Variants in RASSF1 observed in about 807,000 individuals in gnomAD.
RASSF1 encodes ras association domain-containing protein 1.
In RASSF1, 33 loss-of-function variants were observed where a neutral mutation model predicts 34.3. The observed-to-expected ratio is 0.96, with a 90% CI of 0.73 to 1.29. RASSF1 has a LOEUF of 1.29. RASSF1 is among the 50% of genes most tolerant of loss of function. The pLI is 0.00. For synonymous variants in RASSF1, 191 were observed against 195.0 expected, an observed-to-expected ratio of 0.98 and a Z score of 0.17; for missense variants, 445 against 471.8, an observed-to-expected ratio of 0.94 and a Z score of 0.53.
At chr3:50,337,142 C>G in intron 2 of RASSF1, 1 of 1,579,072 alleles carries the variant, frequency 6.3e-7, no homozygotes, top group Non-Finnish European at 8.6e-7. Flanking sequence ...ACCGCTTCCC[C>G]TCCCGCCCGC....
intron 2 of RASSF1, chr3:50,337,560 T>G (rs953378946): frequency 2.5e-5 from 36 of 1,433,338 alleles, no homozygotes; most frequent in Non-Finnish European, 3.3e-5. Flanking sequence ...GGAGCTCCAC[T>G]CACAGACCCC....
intron 2 of RASSF1, among the ~76,000 whole-genome samples, chr3:50,334,452 T>C (rs1703054292): frequency 6.6e-6 from 1 of 152,050 alleles, no homozygotes; most frequent in Non-Finnish European, 1.5e-5. Flanking sequence ...AATAAAGCAG[T>C]GGATGTGTTT....
At chr3:50,334,044 C>A (rs587671145) in intron 2 of RASSF1, among the ~76,000 whole-genome samples, 1 of 152,200 alleles carries the variant, frequency 6.6e-6, no homozygotes, top group Non-Finnish European at 1.5e-5. Flanking sequence ...GTAGAATGAT[C>A]TTGTGCCTAG....
At position 50,331,565 on chromosome 3, in the gene RASSF1, C is replaced by A. The variant is rs757683708; in HGVS notation, c.754G>T (p.Gly252Cys). The A allele has an allele frequency of 1.0e-5, 16 of 1,587,924 alleles. No individual in the cohort carries two copies. Among genetic ancestry groups the A allele is most frequent in the Non-Finnish European group, 1.4e-5 (16 of 1,159,848 alleles). ...GGTGGGGTGGGAAGCCCACCTTGGC[C>A]GTGACGCTCAGCGCGCTCAAAGAGT... ...FALFERAERH[G>C]QVYLRKLLDD... is the part of the protein sequence containing the mutation. The change falls in exon 4 of 6, where the codon GGC (glycine) becomes TGC (cysteine). Residue 252 changes from glycine (G) to cysteine (C), a missense_variant. Physicochemically the swap from Gly to Cys is radical, Grantham distance 159. Transcript: ENST00000359365.
chr3:50,337,448 A>T, intron 2 of RASSF1: 1 of 1,576,588 alleles, frequency 6.3e-7, no homozygotes, highest in Non-Finnish European at 8.6e-7. Context: ...AACCGTTAAG[A>T]CTGAAACGTA....
Position 50,330,683 on chromosome 3 carries a change from G to A in RASSF1, c.921C>T (p.Ile307=). ...GGTGCTCCTCCTCCTCCCGCTGCAG[G>A]ATACGTAGGAAGTTATGTAGTTCAG... is the stretch of plus-strand genomic sequence containing the variant. ...SMPELHNFLR[I]LQREEEEHLR... Residue 307 remains isoleucine (I), a synonymous_variant, in exon 6 of 6, where the codon ATC becomes ATT. Transcript: ENST00000359365. The surrounding 1 kb of genome is among the most constrained non-coding windows in gnomAD (Gnocchi z 4.5). 1 of 1,614,130 alleles carries A rather than the reference G, an allele frequency of 6.2e-7. No homozygotes were observed. The highest frequency in any genetic ancestry group is 1.1e-5 in the South Asian group (1 of 91,086).
At chr3:50,333,217 C>T (rs1180763140) in intron 2 of RASSF1, among the ~76,000 whole-genome samples, 2 of 152,206 alleles carry the variant, frequency 1.3e-5, no homozygotes, top group African/African-American at 2.4e-5. Flanking sequence ...TGCCCCGGCA[C>T]GGGGCCATGA....
intron 1 of RASSF1, among the ~76,000 whole-genome samples, chr3:50,339,211 G>A (rs587704716): frequency 4.6e-5 from 7 of 152,226 alleles, no homozygotes; most frequent in African/African-American, 1.4e-4. Flanking sequence ...ATGGCCACTA[G>A]GCTCCCAGTT....
intron 2 of RASSF1, among the ~76,000 whole-genome samples, chr3:50,335,176 C>T (rs1039749869): frequency 7.9e-5 from 12 of 152,068 alleles, no homozygotes; most frequent in Admixed American, 2.6e-4. Flanking sequence ...TCTTGAACTC[C>T]TGACCTCATG....
intron 2 of RASSF1, among the ~76,000 whole-genome samples, chr3:50,334,953 G>C (rs1181950406): frequency 6.7e-6 from 1 of 149,080 alleles, no homozygotes; most frequent in East Asian, 2.9e-4. Context: ...CATAAAAACT[G>C]ATGGTTTTTT....
At chr3:50,332,257 CCT>C (rs1283643049) in intron 2 of RASSF1, 103 bp from the exon 3 acceptor site, 15 of 933,414 alleles carry the variant, frequency 1.6e-5, no homozygotes, top group Non-Finnish European at 2.2e-5. Context: ...CCTTTGGCCC[CCT>C]GTCCCTGATG....
At chr3:50,334,967 T>C (rs1413216849) in intron 2 of RASSF1, among the ~76,000 whole-genome samples, 1 of 152,168 alleles carries the variant, frequency 6.6e-6, no homozygotes, top group Non-Finnish European at 1.5e-5. Context: ...GTTTTTTTTT[T>C]GAGACAGAGT....
chr3:50,337,391 T>C, intron 2 of RASSF1: 3 of 1,592,748 alleles, frequency 1.9e-6, no homozygotes, highest in African/African-American at 1.3e-5. Flanking sequence ...CGTGCGTGCG[T>C]GTACGCGTGT....
At chr3:50,337,678 G>T in intron 2 of RASSF1, 1 of 841,010 alleles carries the variant, frequency 1.2e-6, no homozygotes. Flanking sequence ...CGTGCGCGGA[G>T]CCTGGGTCAG....
chr3:50,339,639 G>T (rs1032683430), intron 1 of RASSF1, among the ~76,000 whole-genome samples: 2 of 152,066 alleles, frequency 1.3e-5, no homozygotes, highest in Non-Finnish European at 2.9e-5. Flanking sequence ...GAAGTGCTGG[G>T]ATTACAGGCA....
At chr3:50,339,878 A>T (rs1174913239) in intron 1 of RASSF1, among the ~76,000 whole-genome samples, 1 of 152,158 alleles carries the variant, frequency 6.6e-6, no homozygotes, top group African/African-American at 2.4e-5. Flanking sequence ...ACTGATGCCT[A>T]GGGTCCACTC....
At chr3:50,338,388 T>A in intron 1 of RASSF1, 1 of 213,306 alleles carries the variant, frequency 4.7e-6, no homozygotes, top group Non-Finnish European at 8.8e-6. Flanking sequence ...CAAGCGATTC[T>A]TCTGCCTCAG....
chr3:50,338,079 A>T, intron 1 of RASSF1, 68 bp from the exon 2 acceptor site: 1 of 1,533,796 alleles, frequency 6.5e-7, no homozygotes, highest in Non-Finnish European at 8.8e-7. Flanking sequence ...GATTGAAGGG[A>T]AGCCCCAGGG....
intron 5 of RASSF1, 35 bp downstream of exon 5, chr3:50,331,299 A>G (rs1460471154): frequency 4.2e-6 from 6 of 1,443,272 alleles, no homozygotes; most frequent in Non-Finnish European, 5.7e-6. Flanking sequence ...AGTCCTGTCT[A>G]GTGACAACCA....
Sources: allele counts gnomAD v4.1 joint callset (sites outside exome capture counted in the v4.1 genomes callset), GRCh38; gene constraint gnomAD v4.1.1; non-coding constraint Gnocchi (gnomAD v3.1); transcripts MANE v1.5; gene names NCBI Gene and HGNC (gene_info 2026-07-23, HGNC 2026-07-21).